STEAP2: variants seen among roughly 807,000 people sequenced by gnomAD.
STEAP2 encodes metalloreductase STEAP2.
STEAP2 carries 30 observed loss-of-function variants against 46.4 expected under a neutral mutation model. The ratio of observed to expected loss-of-function variants is 0.65; its 90% CI spans 0.48 to 0.88. The LOEUF is 0.88. STEAP2 is among the 40% of genes least tolerant of loss of function. STEAP2 has a pLI of 0.00. For missense variants in STEAP2, 513 were observed against 579.3 expected (o/e 0.89, Z 1.18); for synonymous variants, 180 against 200.5 (o/e 0.90, Z 0.86).
At chr7:90,239,558 T>C (rs1796035752), downstream of STEAP2, among the ~76,000 whole-genome samples, 1 of 152,224 alleles carries the variant, frequency 6.6e-6, no homozygotes, top group South Asian at 2.1e-4. Flanking sequence ...AGTTCTATCC[T>C]GGGGTTATTG....
At chr7:90,231,807 G>A (rs1171686789) in intron 5 of STEAP2, among the ~76,000 whole-genome samples, 2 of 151,916 alleles carry the variant, frequency 1.3e-5, no homozygotes, top group African/African-American at 4.8e-5. Flanking sequence ...TTATAAAGAA[G>A]AGTCTAGCAG....
chr7:90,240,978 A>AAC (rs1454957043), downstream of STEAP2, among the ~76,000 whole-genome samples: 2 of 152,236 alleles, frequency 1.3e-5, no homozygotes, highest in African/African-American at 4.8e-5. The surrounding 1 kb of genome is among the most constrained non-coding windows in gnomAD (Gnocchi z 4.1). Flanking sequence ...AAATTAAGTC[A>AAC]ACATACCAAA....
At chr7:90,219,010 T>C (rs1300321189) in intron 2 of STEAP2, among the ~76,000 whole-genome samples, 2 of 151,946 alleles carry the variant, frequency 1.3e-5, no homozygotes, top group Non-Finnish European at 2.9e-5. Flanking sequence ...ATATTCCTAG[T>C]TGTTTTTTGT....
chr7:90,211,920 A>C lies in STEAP2; in HGVS notation c.-272A>C, dbSNP rs1794823696. 6.6e-6 allele frequency: 1 copy of C among 152,372 alleles called. No homozygotes were observed. Among genetic ancestry groups the C allele is most frequent in the African/African-American group, 2.4e-5 (1 of 41,460 alleles). 9.4% of individuals were successfully genotyped at this position (152,372 alleles called of 1,614,324 possible). A position where few individuals can be genotyped will look rare whatever the true frequency, so the allele number is the denominator to read the frequency against. ...GCGACCGCCGCGGCAGCCACCCTGC[A>C]ACCGCCAGTCGGAGGTGCAGTCCGT... On this transcript the variant is annotated 5_prime_UTR_variant, in exon 1 of 6. Transcript: ENST00000394621.
intron 2 of STEAP2, among the ~76,000 whole-genome samples, chr7:90,218,164 T>A (rs1262021008): frequency 6.6e-6 from 1 of 152,212 alleles, no homozygotes; most frequent in Non-Finnish European, 1.5e-5. Flanking sequence ...TTCTGAATAT[T>A]AGTCCCTTAT....
At chr7:90,243,245 G>A in the STEAP2 span, among the ~76,000 whole-genome samples, 1 of 152,184 alleles carries the variant, frequency 6.6e-6, no homozygotes, top group African/African-American at 2.4e-5. Context: ...TAGAAATGAG[G>A]AGAGAAGCTC....
intron 1 of STEAP2, among the ~76,000 whole-genome samples, chr7:90,212,711 G>A (rs13309883): frequency 0.17 from 25,187 of 152,002 alleles, 2,203 homozygotes; most frequent in Middle Eastern, 0.2. Context: ...AGAAGGATTG[G>A]TGTCAGTTTT....
At chr7:90,216,195 C>A (rs1271103438) in intron 1 of STEAP2, 1 of 152,160 alleles carries the variant, frequency 6.6e-6, no homozygotes, top group Non-Finnish European at 1.5e-5. Context: ...GAATGTCTAA[C>A]CTCCCTCTAG....
Position 90,235,610 on chromosome 7 carries a change from C to A in STEAP2, c.*2986C>A. On this transcript the variant is annotated 3_prime_UTR_variant, in exon 6 of 6. Transcript: ENST00000394621. ...TGTAGAAAAGATACTCAGTCTTAATCCTATGCAAAAAAAAAAATCAAGTAA... is the reference window on the plus strand; with the variant it reads ...TGTAGAAAAGATACTCAGTCTTAATACTATGCAAAAAAAAAAATCAAGTAA... The A allele has an allele frequency of 1.1e-6, 1 of 934,816 alleles. No individual in the cohort carries two copies. Among genetic ancestry groups the A allele is most frequent in the Non-Finnish European group, 1.2e-6 (1 of 807,040 alleles). 57.9% of individuals were successfully genotyped at this position (934,816 alleles called of 1,614,324 possible).
At position 90,236,233 on chromosome 7, in the gene STEAP2, G is replaced by T. The variant is rs1045470098; in HGVS notation, c.*3609G>T. 1.2e-6 allele frequency: 1 copy of T among 834,848 alleles called. No homozygotes were observed. The allele number at this position is 834,848 out of a possible 1,614,324, so 51.7% of individuals were successfully genotyped here. A position where few individuals can be genotyped will look rare whatever the true frequency, so the allele number is the denominator to read the frequency against. On this transcript the variant is annotated 3_prime_UTR_variant, in exon 6 of 6. Coordinates refer to ENST00000394621, the MANE Select transcript of STEAP2 (RefSeq NM_001244944.2). Reference sequence around the variant, plus strand: ...TTATGAAATATTTAAAGTTTCTAATGTGGTATTTTAAATAAAGTATCATAA... The same window carrying T: ...TTATGAAATATTTAAAGTTTCTAATTTGGTATTTTAAATAAAGTATCATAA...
intron 1 of STEAP2, 28 bp from the exon 2 acceptor site, chr7:90,216,463 T>C (rs1795019608): frequency 6.6e-6 from 1 of 152,186 alleles, no homozygotes; most frequent in Admixed American, 6.5e-5. Flanking sequence ...GAGTGACGCA[T>C]TTTAAGGAAT....
At chr7:90,215,006 A>G (rs1794958695) in intron 1 of STEAP2, among the ~76,000 whole-genome samples, 1 of 152,188 alleles carries the variant, frequency 6.6e-6, no homozygotes, top group Non-Finnish European at 1.5e-5. Context: ...ACTGGGAGCC[A>G]GAGTCTGCAG....
chr7:90,224,121 T>C (rs1795376302), intron 2 of STEAP2, among the ~76,000 whole-genome samples: 1 of 152,190 alleles, frequency 6.6e-6, no homozygotes, highest in Non-Finnish European at 1.5e-5. Context: ...AAGTGTGTTT[T>C]TCCAAAAAGT....
Position 90,235,015 on chromosome 7 carries a change from G to C in STEAP2, c.*2391G>C. 1 of 957,902 alleles carries C rather than the reference G, an allele frequency of 1.0e-6. No individual in the cohort carries two copies. The highest frequency in any genetic ancestry group is 1.2e-6 in the Non-Finnish European group (1 of 804,818). The allele number at this position is 957,902 out of a possible 1,614,324, so 59.3% of individuals were successfully genotyped here. ...ATAGTGAACTAATGAAAATAACAGC[G>C]TATTTTCAATATTTTCTTATTCCTT... On this transcript the variant is annotated 3_prime_UTR_variant, in exon 6 of 6. Coordinates refer to ENST00000394621, the MANE Select transcript of STEAP2 (RefSeq NM_001244944.2).
chr7:90,217,718 AAAAAAAAAC>A (rs59530201), intron 2 of STEAP2, among the ~76,000 whole-genome samples: 21,336 of 149,576 alleles, frequency 0.14, 2,356 homozygotes, highest in East Asian at 0.62. Context: ...AAAAAAAAAA[AAAAAAAAAC>A]ATGTGAGGAC....
intron 1 of STEAP2, chr7:90,213,942 A>G (rs1794915765): frequency 6.6e-6 from 1 of 152,248 alleles, no homozygotes; most frequent in Non-Finnish European, 1.5e-5. Context: ...AGAGAGGGGA[A>G]GCGGGGACTA....
In STEAP2 at chr7:90,226,940, G is replaced by A. The variant is rs748603936; in HGVS notation, c.493-31G>A. 2.6e-6 allele frequency: 4 copies of A among 1,536,456 alleles called. No individual in the cohort carries two copies. The African/African-American group carries it at 5.5e-5, about 21-fold the overall frequency. ...GCTACCATTTTTATAAACAACAATG[G>A]TAATGCTGAGTCTTTTTGTTTTTTC... is the stretch of plus-strand genomic sequence containing the variant. On this transcript the variant is annotated intron_variant, in intron 3 of 5. Coordinates refer to ENST00000394621, the MANE Select transcript of STEAP2 (RefSeq NM_001244944.2).
intron 2 of STEAP2, among the ~76,000 whole-genome samples, chr7:90,217,869 C>T (rs1795093086): frequency 6.6e-6 from 1 of 152,020 alleles, no homozygotes; most frequent in Admixed American, 6.5e-5. Flanking sequence ...AGAGGCTGTA[C>T]TAATTTACAT....
At chr7:90,221,822 A>G (rs1222766985) in intron 2 of STEAP2, among the ~76,000 whole-genome samples, 1 of 152,222 alleles carries the variant, frequency 6.6e-6, no homozygotes, top group East Asian at 1.9e-4. Context: ...CCAGCAAAAT[A>G]AAATTTTTAC....
Sources: gnomAD v4.1 joint callset for allele counts (sites outside exome capture counted in the v4.1 genomes callset) on GRCh38, gnomAD v4.1.1 for gene constraint, Gnocchi (gnomAD v3.1) non-coding constraint, MANE v1.5 for transcripts, NCBI Gene and HGNC (gene_info 2026-07-23, HGNC 2026-07-21) for gene names.